Variants in KIAA1958 observed in about 807,000 individuals in gnomAD.
KIAA1958 encodes the protein uncharacterized protein KIAA1958.
KIAA1958 carries 14 observed loss-of-function variants against 47.2 expected under a neutral mutation model. The observed-to-expected ratio is 0.30, with a 90% confidence interval of 0.20 to 0.46. The LOEUF (loss-of-function observed/expected upper bound fraction) is 0.46, where lower values mean the gene tolerates loss of function less well. KIAA1958 is among the 20% of genes least tolerant of loss of function. KIAA1958 has a pLI of 1.00. For synonymous variants in KIAA1958, 354 were observed against 353.3 expected, an observed-to-expected ratio of 1.00 and a Z score of -0.02; for missense variants, 803 against 909.2, an observed-to-expected ratio of 0.88 and a Z score of 1.50.
chr9:112,589,242 C>G (rs1301405729), intron 2 of KIAA1958, among the ~76,000 whole-genome samples: 7 of 152,222 alleles, frequency 4.6e-5, no homozygotes, highest in Non-Finnish European at 8.8e-5. Context: ...CCTTTTCCCT[C>G]ATTTTTCTGA....
chr9:112,504,695 T>C (rs768442973), intron 1 of KIAA1958, among the ~76,000 whole-genome samples: 24 of 152,310 alleles, frequency 1.6e-4, no homozygotes, highest in Non-Finnish European at 3.2e-4. Context: ...TTGAAAATGA[T>C]GAAATCTGAG....
At chr9:112,641,821 C>G (rs148215855) in intron 2 of KIAA1958, among the ~76,000 whole-genome samples, 101 of 152,196 alleles carry the variant, frequency 6.6e-4, no homozygotes, top group African/African-American at 2.4e-3. Flanking sequence ...TTTCAATCAT[C>G]TTAAATTTCC....
intron 2 of KIAA1958, among the ~76,000 whole-genome samples, chr9:112,610,390 A>G (rs533246458): frequency 6.6e-6 from 1 of 152,154 alleles, no homozygotes; most frequent in Non-Finnish European, 1.5e-5. Flanking sequence ...CAATGAAAAA[A>G]TATCCAAAAT....
rs369272573 is a variant in KIAA1958, at chr9:112,641,842, T to C, written c.1172-3808T>C. ...TCATCTTAAATTTCCAGGATCTTTC[T>C]TGTTTTCCTGTTTTTCCTTTTCCAG... On this transcript the variant is annotated intron_variant, in intron 2 of 3. Coordinates refer to ENST00000337530, the MANE Select transcript of KIAA1958 (RefSeq NM_133465.4). 4.6e-5 allele frequency among the ~76,000 whole-genome samples: 7 copies of C among 152,352 alleles called. 2 individuals are homozygous for C. The highest frequency in any genetic ancestry group is 1.7e-4 in the African/African-American group (7 of 41,570).
At chr9:112,545,661 G>A (rs1005411846) in intron 1 of KIAA1958, among the ~76,000 whole-genome samples, 21 of 152,068 alleles carry the variant, frequency 1.4e-4, no homozygotes, top group Admixed American at 1.3e-3. Context: ...CCAGGAGGGA[G>A]TTTTTCTACT....
At chr9:112,558,646 T>C (rs1002536991) in intron 1 of KIAA1958, among the ~76,000 whole-genome samples, 4 of 152,176 alleles carry the variant, frequency 2.6e-5, no homozygotes, top group Non-Finnish European at 4.4e-5. Flanking sequence ...TGAATAAAAA[T>C]AGGTTACTCA....
intron 1 of KIAA1958, among the ~76,000 whole-genome samples, chr9:112,531,894 G>C (rs1272604139): frequency 6.6e-6 from 1 of 152,190 alleles, no homozygotes; most frequent in Non-Finnish European, 1.5e-5. Flanking sequence ...TGATCAACTG[G>C]AGCAGAGTTG....
rs1837252937 is a variant in KIAA1958, at chr9:112,660,200, C to T, written c.*131C>T. Reference sequence around the variant, plus strand: ...GTCTGGCGGCTCTCCCCTGGTGTGGCCTGCCCTCCCTTTGACTTGGGGTTT... The same window carrying T: ...GTCTGGCGGCTCTCCCCTGGTGTGGTCTGCCCTCCCTTTGACTTGGGGTTT... On this transcript the variant is annotated 3_prime_UTR_variant, in exon 4 of 4. Transcript: ENST00000337530. 4.4e-6 allele frequency: 3 copies of T among 689,448 alleles called. No individual in the cohort carries two copies. The highest frequency in any genetic ancestry group is 7.3e-6 in the Non-Finnish European group (3 of 408,888). 42.7% of individuals were successfully genotyped at this position (689,448 alleles called of 1,614,324 possible).
chr9:112,512,271 C>T (rs1048770804), intron 1 of KIAA1958, among the ~76,000 whole-genome samples: 5 of 152,096 alleles, frequency 3.3e-5, no homozygotes, highest in South Asian at 4.2e-4. Flanking sequence ...AAAATTTTAG[C>T]GAATGATCCA....
At chr9:112,561,785 G>A (rs999155135) in intron 1 of KIAA1958, among the ~76,000 whole-genome samples, 1 of 152,200 alleles carries the variant, frequency 6.6e-6, no homozygotes, top group African/African-American at 2.4e-5. Flanking sequence ...AACCCAGCAT[G>A]CAGAGGCTGC....
At chr9:112,506,600 T>G (rs1028865672) in intron 1 of KIAA1958, among the ~76,000 whole-genome samples, 2 of 152,206 alleles carry the variant, frequency 1.3e-5, no homozygotes, top group Non-Finnish European at 2.9e-5. Context: ...TGCACAAGGT[T>G]CCGTTACTTT....
At position 112,620,583 on chromosome 9, in the gene KIAA1958, G is replaced by A. The variant is rs534816733; in HGVS notation, c.1172-25067G>A. On this transcript the variant is annotated intron_variant, in intron 2 of 3. Coordinates refer to ENST00000337530, the MANE Select transcript of KIAA1958 (RefSeq NM_133465.4). ...GGAAGTCAGCCATGGACTTTGTGTCGTGGAGTTAACCTCATGTTCATGACT... is the reference window on the plus strand; with the variant it reads ...GGAAGTCAGCCATGGACTTTGTGTCATGGAGTTAACCTCATGTTCATGACT... Among the ~76,000 whole-genome samples, 4 of 152,262 alleles carry A rather than the reference G, an allele frequency of 2.6e-5. No individual in the cohort carries two copies. In the South Asian group the frequency reaches 8.3e-4, roughly 32 times the overall value.
chr9:112,529,076 A>G lies in KIAA1958; in HGVS notation c.-25+41958A>G, dbSNP rs192762125. Among the ~76,000 whole-genome samples the G allele has an allele frequency of 3.1e-3, 473 of 152,332 alleles. 3 individuals carry two copies. Among genetic ancestry groups the G allele is most frequent in the Middle Eastern group, 0.01 (3 of 294 alleles). On this transcript the variant is annotated intron_variant, in intron 1 of 3. Transcript: ENST00000337530. ...TATTCTTTCCAAAAATATTTATTGA[A>G]TTGCCAGGAGGTGGTCTAACAATGG...
Position 112,618,545 on chromosome 9 carries a change from C to T in KIAA1958, c.1172-27105C>T. 6.4e-7 allele frequency: 1 copy of T among 1,550,664 alleles called. No individual in the cohort carries two copies. Among genetic ancestry groups the T allele is most frequent in the Non-Finnish European group, 8.7e-7 (1 of 1,147,002 alleles). ...CACCCAGCACGCCCCACAGACCTGC[C>T]CTGTCCAGGACTATAAGGAGTATGC... On this transcript the variant is annotated intron_variant, in intron 2 of 3. Coordinates refer to ENST00000337530, the MANE Select transcript of KIAA1958 (RefSeq NM_133465.4). This position sits in a 1 kb window ranked among gnomAD's most constrained non-coding sequence, Gnocchi z 7.1.
chr9:112,568,615 G>A (rs1835470620), intron 1 of KIAA1958, among the ~76,000 whole-genome samples: 1 of 152,086 alleles, frequency 6.6e-6, no homozygotes, highest in Admixed American at 6.5e-5. Flanking sequence ...CAGCATGGTG[G>A]CTCAAGCCTG....
intron 1 of KIAA1958, among the ~76,000 whole-genome samples, chr9:112,520,978 T>G (rs777156108): frequency 7.2e-5 from 11 of 152,222 alleles, no homozygotes; most frequent in Non-Finnish European, 1.3e-4. Context: ...TTCTTTGTTT[T>G]GTTTTCTATT....
chr9:112,534,895 C>T (rs1197610574), intron 1 of KIAA1958, among the ~76,000 whole-genome samples: 2 of 152,138 alleles, frequency 1.3e-5, no homozygotes, highest in African/African-American at 4.8e-5. Context: ...AGGAGACAAC[C>T]TCTTGAAAAA....
chr9:112,573,802 C>G (rs1450147883), intron 1 of KIAA1958, among the ~76,000 whole-genome samples: 3 of 152,118 alleles, frequency 2.0e-5, no homozygotes, highest in Non-Finnish European at 4.4e-5. Context: ...CCCCCTTAGG[C>G]AGGAATTATT....
At chr9:112,638,750 G>A (rs562099812) in intron 2 of KIAA1958, among the ~76,000 whole-genome samples, 8 of 151,986 alleles carry the variant, frequency 5.3e-5, no homozygotes, top group African/African-American at 1.9e-4. Flanking sequence ...ATTTCACTAT[G>A]TCCCATGTGT....
Sources: allele counts gnomAD v4.1 joint callset (sites outside exome capture counted in the v4.1 genomes callset), GRCh38; gene constraint gnomAD v4.1.1; non-coding constraint Gnocchi (gnomAD v3.1); transcripts MANE v1.5; gene names NCBI Gene and HGNC (gene_info 2026-07-23, HGNC 2026-07-21).